DNER: variants seen among roughly 807,000 people sequenced by gnomAD.
The protein encoded by DNER is delta/notch like EGF repeat containing.
Under a neutral mutation model 78.2 loss-of-function variants are expected in DNER, and 33 were observed. The ratio of observed to expected loss-of-function variants is 0.42; its 90% CI spans 0.32 to 0.56. The LOEUF is 0.56. Ranked by LOEUF, DNER falls within the 20% of genes least tolerant of loss-of-function variation. The pLI, the probability that DNER is intolerant of heterozygous loss-of-function variation, is 0.11. For synonymous variants in DNER, 417 were observed against 384.8 expected, an observed-to-expected ratio of 1.08 and a Z score of -0.98; for missense variants, 918 against 975.3, an observed-to-expected ratio of 0.94 and a Z score of 0.78.
chr2:229,484,602 G>C (rs892452287), intron 6 of DNER, among the ~76,000 whole-genome samples: 5 of 151,950 alleles, frequency 3.3e-5, no homozygotes, highest in African/African-American at 1.2e-4. Context: ...TCTTGACTGG[G>C]GTGATTCTTC....
intron 1 of DNER, among the ~76,000 whole-genome samples, chr2:229,692,980 T>C (rs1184293896): frequency 1.3e-5 from 2 of 152,120 alleles, no homozygotes; most frequent in African/African-American, 4.8e-5. Context: ...CTATATGTCT[T>C]GGGCAAGCCA....
Position 229,615,264 on chromosome 2 carries a change from A to G in DNER, c.277-23376T>C, listed in dbSNP as rs190985198. Reference sequence around the variant, plus strand: ...CCATGTCTACTAAAAATACAAAATTAGCCAGGCGTGGTGGCACATGCCTGT... The same window carrying G: ...CCATGTCTACTAAAAATACAAAATTGGCCAGGCGTGGTGGCACATGCCTGT... On this transcript the variant is annotated intron_variant, in intron 1 of 12. Transcript: ENST00000341772. Among the ~76,000 whole-genome samples the G allele has an allele frequency of 2.7e-4, 41 of 151,974 alleles. 1 individual carries two copies. The East Asian group carries it at 6.6e-3, about 24-fold the overall frequency.
At chr2:229,589,394 T>C (rs919787221) in intron 2 of DNER, among the ~76,000 whole-genome samples, 4 of 152,224 alleles carry the variant, frequency 2.6e-5, no homozygotes, top group African/African-American at 7.2e-5. Context: ...AAGATGTGAG[T>C]ATAACTTGTT....
chr2:229,600,800 G>A (rs1697811641), intron 1 of DNER, among the ~76,000 whole-genome samples: 2 of 152,276 alleles, frequency 1.3e-5, no homozygotes, highest in South Asian at 4.2e-4. Context: ...CCCATGCCAA[G>A]GCTAAATATA....
chr2:229,590,059 A>G (rs1378720694), intron 2 of DNER, among the ~76,000 whole-genome samples: 1 of 135,728 alleles, frequency 7.4e-6, no homozygotes, highest in Non-Finnish European at 1.6e-5. Flanking sequence ...TTTTTTTTTC[A>G]TTTAAACGAT....
At chr2:229,482,756 G>A (rs1013784573) in intron 6 of DNER, among the ~76,000 whole-genome samples, 3 of 152,320 alleles carry the variant, frequency 2.0e-5, no homozygotes, top group East Asian at 1.9e-4. Flanking sequence ...GGAGTGGAAA[G>A]GAGAGGACCA....
intron 1 of DNER, among the ~76,000 whole-genome samples, chr2:229,712,561 G>A (rs1349922918): frequency 6.6e-6 from 1 of 152,144 alleles, no homozygotes; most frequent in Non-Finnish European, 1.5e-5. Context: ...CAGTTTGATG[G>A]ACACACTCAG....
intron 4 of DNER, among the ~76,000 whole-genome samples, chr2:229,563,796 C>G (rs1436741357): frequency 6.7e-6 from 1 of 149,254 alleles, no homozygotes; most frequent in African/African-American, 2.5e-5. Context: ...ATCATCACCC[C>G]ATCACCATCA....
At chr2:229,452,124 T>A (rs1297187762) in intron 7 of DNER, among the ~76,000 whole-genome samples, 1 of 152,216 alleles carries the variant, frequency 6.6e-6, no homozygotes. Context: ...CTGGATATCA[T>A]CTATTTTCAT....
At chr2:229,428,671 G>GAA (rs11390976) in intron 8 of DNER, among the ~76,000 whole-genome samples, 1,501 of 145,088 alleles carry the variant, frequency 0.01, 16 homozygotes, top group South Asian at 0.034. Context: ...GAAGTGATTT[G>GAA]AAAAAAAAAA....
chr2:229,553,148 G>C (rs979208042), intron 4 of DNER, among the ~76,000 whole-genome samples: 2 of 152,130 alleles, frequency 1.3e-5, no homozygotes, highest in Non-Finnish European at 2.9e-5. Flanking sequence ...AGAGCAAAAG[G>C]AATCTGTACA....
At chr2:229,457,541 A>T (rs887541682) in intron 7 of DNER, among the ~76,000 whole-genome samples, 2 of 151,876 alleles carry the variant, frequency 1.3e-5, no homozygotes, top group African/African-American at 4.9e-5. Flanking sequence ...AAACCAAAAA[A>T]CCCAGCAGTA....
chr2:229,636,702 T>C (rs1698536846), intron 1 of DNER, among the ~76,000 whole-genome samples: 1 of 152,166 alleles, frequency 6.6e-6, no homozygotes, highest in Non-Finnish European at 1.5e-5. Context: ...CAAACCAGTT[T>C]TCCCCCTCTA....
chr2:229,713,326 C>A (rs566353353), intron 1 of DNER, among the ~76,000 whole-genome samples: 3 of 152,322 alleles, frequency 2.0e-5, no homozygotes, highest in East Asian at 1.9e-4. Context: ...CTGCCAAATT[C>A]TCCTGAAAAC....
chr2:229,453,519 C>T lies in DNER; in HGVS notation c.1262-5979G>A, dbSNP rs572609019. 3.3e-5 allele frequency among the ~76,000 whole-genome samples: 5 copies of T among 152,282 alleles called. No homozygotes were observed. In the South Asian group the frequency reaches 8.3e-4, roughly 25 times the overall value. On this transcript the variant is annotated intron_variant, in intron 7 of 12. Transcript: ENST00000341772. ...GGATTCATCATAGGTATACATGACACCACTTGGGGCAAATGAACAGAGAGA... is the reference window on the plus strand; with the variant it reads ...GGATTCATCATAGGTATACATGACATCACTTGGGGCAAATGAACAGAGAGA...
chr2:229,361,280 C>T (rs867126549), intron 12 of DNER, among the ~76,000 whole-genome samples: 7 of 151,588 alleles, frequency 4.6e-5, no homozygotes, highest in Middle Eastern at 3.2e-3. Flanking sequence ...TTATTGCAGG[C>T]ATTTTCATGC....
chr2:229,631,599 T>C (rs1489385675), intron 1 of DNER, among the ~76,000 whole-genome samples: 1 of 152,186 alleles, frequency 6.6e-6, no homozygotes. Flanking sequence ...TTAAAAAATA[T>C]ATATTTTAAG....
intron 10 of DNER, among the ~76,000 whole-genome samples, chr2:229,406,735 C>T (rs1693393157): frequency 6.6e-6 from 1 of 152,152 alleles, no homozygotes; most frequent in African/African-American, 2.4e-5. Flanking sequence ...GTGGCTCCTC[C>T]TGTTCGGTGT....
chr2:229,594,699 CT>C (rs1448165204), intron 1 of DNER, among the ~76,000 whole-genome samples: 6 of 152,064 alleles, frequency 3.9e-5, no homozygotes, highest in Non-Finnish European at 8.8e-5. Flanking sequence ...GCCAAGAGTT[CT>C]TTCCATAACA....
Sources: allele counts gnomAD v4.1 joint callset (sites outside exome capture counted in the v4.1 genomes callset), GRCh38; gene constraint gnomAD v4.1.1; transcripts MANE v1.5; gene names NCBI Gene and HGNC (gene_info 2026-07-23, HGNC 2026-07-21).